The following AGBL1 variants were observed in gnomAD, a reference collection of about 807,000 sequenced individuals.
AGBL1 encodes AGBL carboxypeptidase 1.
Under a neutral mutation model 118.9 loss-of-function variants are expected in AGBL1, and 130 were observed. The observed-to-expected ratio is 1.09, with a 90% CI of 0.95 to 1.26. The LOEUF (loss-of-function observed/expected upper bound fraction) is 1.26. Among genes scored for constraint, AGBL1 ranks in the 50% most tolerant of loss-of-function variants. The probability of loss-of-function intolerance (pLI) is 0.00; values close to 1 mark genes in which losing one functional copy is unlikely to be tolerated. For synonymous variants in AGBL1, 555 were observed against 478.9 expected (o/e 1.16, Z -2.08); for missense variants, 1,584 against 1,298.1 (o/e 1.22, Z -3.38).
intron 20 of AGBL1, among the ~76,000 whole-genome samples, chr15:86,551,892 G>C (rs1365859863): frequency 6.6e-6 from 1 of 152,106 alleles, no homozygotes; most frequent in Admixed American, 6.6e-5. Context: ...ACCTGAAAAG[G>C]CTACATACTG....
intron 21 of AGBL1, among the ~76,000 whole-genome samples, chr15:86,575,416 C>A (rs954886440): frequency 3.3e-5 from 5 of 151,844 alleles, no homozygotes; most frequent in African/African-American, 1.2e-4. Context: ...AGGAGGATCA[C>A]TTGAGCCTGG....
At chr15:86,817,461 G>GAGACACAC (rs769225366) in intron 22 of AGBL1, among the ~76,000 whole-genome samples, 2 of 61,348 alleles carry the variant, frequency 3.3e-5, no homozygotes, top group African/African-American at 1.4e-4. Context: ...GTCTCTGAGA[G>GAGACACAC]ATACACACAC....
intron 24 of AGBL1, among the ~76,000 whole-genome samples, chr15:87,013,072 A>G (rs1180404298): frequency 6.6e-6 from 1 of 152,184 alleles, no homozygotes; most frequent in Non-Finnish European, 1.5e-5. Flanking sequence ...AGCCTGAATT[A>G]GTTTAACATT....
intron 21 of AGBL1, among the ~76,000 whole-genome samples, chr15:86,641,338 G>A (rs897984053): frequency 5.3e-5 from 8 of 151,590 alleles, no homozygotes; most frequent in East Asian, 1.9e-4. Flanking sequence ...TACAAATAAC[G>A]TATAGAATAT....
At chr15:86,470,671 G>C (rs1011364453) in intron 18 of AGBL1, among the ~76,000 whole-genome samples, 2 of 152,078 alleles carry the variant, frequency 1.3e-5, no homozygotes, top group Admixed American at 1.3e-4. Flanking sequence ...TCTTAAACAT[G>C]AGACGTCTTC....
At chr15:86,539,848 G>C (rs954225653) in intron 19 of AGBL1, among the ~76,000 whole-genome samples, 15 of 152,118 alleles carry the variant, frequency 9.9e-5, no homozygotes, top group African/African-American at 3.4e-4. Context: ...GTTCTTATTG[G>C]GTTCCCAGAG....
At chr15:86,893,576 G>C (rs535399297) in intron 22 of AGBL1, among the ~76,000 whole-genome samples, 5 of 152,226 alleles carry the variant, frequency 3.3e-5, no homozygotes, top group Admixed American at 2.0e-4. Context: ...ACATCATAAA[G>C]TTGCAAATTG....
intron 22 of AGBL1, among the ~76,000 whole-genome samples, chr15:86,792,000 C>T (rs989814781): frequency 6.6e-5 from 10 of 152,098 alleles, no homozygotes; most frequent in South Asian, 2.1e-4. Flanking sequence ...CCTCCTAATG[C>T]TCTGGGATTA....
chr15:86,421,912 T>G (rs1354780079), intron 18 of AGBL1, among the ~76,000 whole-genome samples: 1 of 152,048 alleles, frequency 6.6e-6, no homozygotes, highest in Non-Finnish European at 1.5e-5. Flanking sequence ...TGTCTTAAAT[T>G]TATATGCACC....
intron 24 of AGBL1, among the ~76,000 whole-genome samples, chr15:87,008,122 G>T (rs2081522797): frequency 1.3e-5 from 2 of 152,184 alleles, no homozygotes; most frequent in Non-Finnish European, 2.9e-5. Context: ...ACGTCTGTGG[G>T]AGTGCTTCCA....
At chr15:86,974,585 A>C (rs1424781098) in intron 23 of AGBL1, among the ~76,000 whole-genome samples, 1 of 139,572 alleles carries the variant, frequency 7.2e-6, no homozygotes, top group East Asian at 2.0e-4. Flanking sequence ...TAAATATATA[A>C]AAATTATATA....
chr15:86,566,368 A>T (rs547802344), intron 21 of AGBL1, among the ~76,000 whole-genome samples: 7,326 of 152,086 alleles, frequency 0.048, 482 homozygotes, highest in African/African-American at 0.15. Flanking sequence ...TGTTCTATCC[A>T]CTATTTCCCC....
intron 5 of AGBL1, among the ~76,000 whole-genome samples, chr15:86,214,575 T>A (rs531139695): frequency 6.6e-6 from 1 of 152,250 alleles, no homozygotes; most frequent in Non-Finnish European, 1.5e-5. Flanking sequence ...CACACCTCTA[T>A]GTAGAAAGAG....
At chr15:86,194,871 A>G (rs139684438) in intron 5 of AGBL1, among the ~76,000 whole-genome samples, 19 of 152,288 alleles carry the variant, frequency 1.2e-4, no homozygotes, top group African/African-American at 3.1e-4. Flanking sequence ...ATATGTAAGG[A>G]AAGATATATA....
intron 23 of AGBL1, chr15:86,939,222 ACT>A (rs2080715394): frequency 1.3e-5 from 2 of 152,326 alleles, no homozygotes. Context: ...AGGTAGACCC[ACT>A]CTCAATCTGG....
At chr15:86,242,115 C>A (rs536613715) in intron 6 of AGBL1, among the ~76,000 whole-genome samples, 1 of 152,280 alleles carries the variant, frequency 6.6e-6, no homozygotes, top group East Asian at 1.9e-4. Flanking sequence ...GTTCTTCTGC[C>A]ATGATTGTGA....
chr15:86,691,650 A>G (rs1485632022), intron 22 of AGBL1, among the ~76,000 whole-genome samples: 2 of 152,164 alleles, frequency 1.3e-5, no homozygotes, highest in Non-Finnish European at 2.9e-5. Context: ...AAGAAAACAA[A>G]TAAGATCATA....
rs77875175 is a variant in AGBL1, at chr15:86,336,001, C to A, written c.2374+40593C>A. Among the ~76,000 whole-genome samples, 65 of 152,248 alleles carry A rather than the reference C, an allele frequency of 4.3e-4. No homozygotes were observed. In the East Asian group the frequency reaches 0.012, roughly 27 times the overall value. ...ATTTTTATTTTCCACTGAAAGAGCC[C>A]AATGTGCTGTATTGTGAAGGTGTTA... On this transcript the variant is annotated intron_variant, in intron 17 of 22. Transcript: ENST00000614907.
intron 21 of AGBL1, among the ~76,000 whole-genome samples, chr15:86,563,836 T>C (rs1425172216): frequency 1.3e-5 from 2 of 152,162 alleles, no homozygotes; most frequent in Admixed American, 6.5e-5. Context: ...GCATATATAT[T>C]TAGGATAGTT....
Sources: allele counts gnomAD v4.1 joint callset (sites outside exome capture counted in the v4.1 genomes callset), GRCh38; gene constraint gnomAD v4.1.1; transcripts MANE v1.5; gene names NCBI Gene and HGNC (gene_info 2026-07-23, HGNC 2026-07-21).